FAAH2: variants seen among roughly 807,000 people sequenced by gnomAD.
The protein encoded by FAAH2 is fatty acid amide hydrolase 2.
Under a neutral mutation model 36.9 loss-of-function variants are expected in FAAH2, and 60 were observed. The observed-to-expected ratio is 1.63, with a 90% CI of 1.32 to 2.02. The LOEUF is 2.02. FAAH2 is among the 30% of genes most tolerant of loss of function. FAAH2 has a pLI of 0.00. For synonymous variants in FAAH2, 214 were observed against 143.8 expected (o/e 1.49, Z -3.49); for missense variants, 689 against 397.5 (o/e 1.73, Z -6.23).
chrX:57,151,352 G>A, the FAAH2 span, among the ~76,000 whole-genome samples: 99 of 112,195 alleles, frequency 8.8e-4, no homozygotes, highest in African/African-American at 3.0e-3. Context: ...ATCCTGCAGA[G>A]TGTTTTCCAA....
At chrX:57,484,154 G>T (rs988986216) in intron 10 of FAAH2, among the ~76,000 whole-genome samples, 1 of 110,707 alleles carries the variant, frequency 9.0e-6, no homozygotes, top group Non-Finnish European at 1.9e-5. Context: ...TGGCCAGGGG[G>T]TAGCACTTAA....
chrX:57,307,249 G>A (rs1414683985), intron 2 of FAAH2, among the ~76,000 whole-genome samples: 6 of 107,200 alleles, frequency 5.6e-5, no homozygotes, highest in African/African-American at 1.7e-4. Flanking sequence ...GTGATAGTTA[G>A]CACTTGTGTG....
the FAAH2 span, among the ~76,000 whole-genome samples, chrX:57,252,487 AG>A: frequency 8.9e-6 from 1 of 112,315 alleles, no homozygotes. Flanking sequence ...ACCTCCCAGT[AG>A]GGACTGACAG....
At chrX:57,243,715 A>G in the FAAH2 span, among the ~76,000 whole-genome samples, 1 of 111,881 alleles carries the variant, frequency 8.9e-6, no homozygotes, top group South Asian at 3.8e-4. Flanking sequence ...ATCAACAAAA[A>G]CAACCACACC....
At chrX:57,177,247 A>G in the FAAH2 span, among the ~76,000 whole-genome samples, 3 of 109,410 alleles carry the variant, frequency 2.7e-5, no homozygotes, top group African/African-American at 6.6e-5. Flanking sequence ...TTACAGGTCA[A>G]TGGGAAAGCA....
chrX:57,279,571 A>G, the FAAH2 span, among the ~76,000 whole-genome samples: 4 of 111,623 alleles, frequency 3.6e-5, no homozygotes, highest in African/African-American at 1.3e-4. Context: ...CACGTTCTGC[A>G]CATGTAACCC....
At chrX:57,159,929 A>T in the FAAH2 span, among the ~76,000 whole-genome samples, 1 of 111,594 alleles carries the variant, frequency 9.0e-6, no homozygotes, top group African/African-American at 3.3e-5. Flanking sequence ...TTTCAAAGGG[A>T]ATGCTTCCAG....
chrX:57,423,010 C>G (rs1302024912), intron 7 of FAAH2, among the ~76,000 whole-genome samples: 1 of 111,742 alleles, frequency 8.9e-6, no homozygotes, highest in Non-Finnish European at 1.9e-5. Context: ...GAATTTCTCT[C>G]TGATACATAT....
intron 7 of FAAH2, among the ~76,000 whole-genome samples, chrX:57,400,667 G>C (rs1379594819): frequency 8.9e-6 from 1 of 112,571 alleles, no homozygotes; most frequent in African/African-American, 3.2e-5. Context: ...AGTTGCTTTA[G>C]GGTTTTGGGA....
chrX:57,211,761 G>A, the FAAH2 span, among the ~76,000 whole-genome samples: 3 of 111,683 alleles, frequency 2.7e-5, no homozygotes, highest in African/African-American at 9.8e-5. Context: ...CACCCATGCA[G>A]GACATTATTA....
the FAAH2 span, among the ~76,000 whole-genome samples, chrX:57,279,539 C>T: frequency 1.8e-5 from 2 of 110,795 alleles, no homozygotes; most frequent in East Asian, 2.8e-4. Flanking sequence ...CACCAAGGCA[C>T]GTGTATACCT....
intron 10 of FAAH2, among the ~76,000 whole-genome samples, chrX:57,486,946 A>G (rs2057484722): frequency 9.0e-6 from 1 of 111,650 alleles, no homozygotes; most frequent in African/African-American, 3.3e-5. Context: ...AACTCCTCCT[A>G]TTCCGTTATC....
At chrX:57,405,086 G>A (rs764665523) in intron 7 of FAAH2, among the ~76,000 whole-genome samples, 86 of 111,957 alleles carry the variant, frequency 7.7e-4, no homozygotes, top group African/African-American at 2.4e-3. Flanking sequence ...TTTTTAACTG[G>A]CTGACAGGTG....
chrX:57,417,411 T>G (rs2055873132), intron 7 of FAAH2, among the ~76,000 whole-genome samples: 2 of 112,002 alleles, frequency 1.8e-5, no homozygotes, highest in Non-Finnish European at 3.8e-5. Flanking sequence ...ATGGGGTTTC[T>G]GTGTGGATGT....
chrX:57,128,489 G>A, the FAAH2 span, among the ~76,000 whole-genome samples: 4 of 111,419 alleles, frequency 3.6e-5, no homozygotes, highest in African/African-American at 1.3e-4. Flanking sequence ...TTAAAAATTA[G>A]CTAGAAATTA....
At chrX:57,465,180 G>C (rs2057028013) in intron 10 of FAAH2, among the ~76,000 whole-genome samples, 1 of 111,672 alleles carries the variant, frequency 9.0e-6, no homozygotes, top group Non-Finnish European at 1.9e-5. Flanking sequence ...CTTAATGATA[G>C]ATCAGTTGGC....
intron 10 of FAAH2, among the ~76,000 whole-genome samples, chrX:57,481,390 G>T: frequency 9.0e-6 from 1 of 111,314 alleles, no homozygotes; most frequent in Admixed American, 9.5e-5. Context: ...ATTTACCTTT[G>T]ATCTTTAAAG....
chrX:57,366,718 A>T (rs2054426882), intron 5 of FAAH2, among the ~76,000 whole-genome samples: 2 of 112,475 alleles, frequency 1.8e-5, no homozygotes, highest in African/African-American at 3.2e-5. Flanking sequence ...CTTGCCACTG[A>T]GGGATCGATG....
chrX:57,227,992 A>G, the FAAH2 span, among the ~76,000 whole-genome samples: 1 of 111,939 alleles, frequency 8.9e-6, no homozygotes, highest in Non-Finnish European at 1.9e-5. Context: ...CACTCCCACC[A>G]TGCCCTCAGC....
Sources: gnomAD v4.1 joint callset for allele counts (sites outside exome capture counted in the v4.1 genomes callset) on GRCh38, gnomAD v4.1.1 for gene constraint, MANE v1.5 for transcripts, NCBI Gene and HGNC (gene_info 2026-07-23, HGNC 2026-07-21) for gene names.